EXOSC6: variants seen among roughly 807,000 people sequenced by gnomAD.
EXOSC6 encodes exosome component 6.
In EXOSC6, 21 loss-of-function variants were observed where a neutral mutation model predicts 16.7. That is an observed-to-expected ratio of 1.26 (90% CI 0.89 to 1.82). EXOSC6 has a LOEUF of 1.82. Among genes scored for constraint, EXOSC6 ranks in the 40% most tolerant of loss-of-function variants. EXOSC6 has a pLI of 0.00. For missense variants in EXOSC6, 538 were observed against 415.7 expected (o/e 1.29, Z -2.56); for synonymous variants, 297 against 217.1 (o/e 1.37, Z -3.24).
At position 70,251,203 on chromosome 16, in the gene EXOSC6, AG is replaced by A. The variant is rs1428030192; in HGVS notation, c.697del (p.Leu233Ter). On this transcript the variant is annotated frameshift_variant, in exon 1 of 1. Transcript: ENST00000435634. LOFTEE classifies it high-confidence loss of function. The stretch of plus-strand genomic sequence containing the variant: ...TACGGCCTCCGCCCAGCTCTCTGTC[AG>A]GCCGCCCTCGCCGCTGCCCAGCAGC... ...AGLLGSGEGG[L>X]TESWAEAVRL... 1 of 1,512,256 alleles carries A rather than the reference AG, an allele frequency of 6.6e-7. No individual in the cohort carries two copies. Among genetic ancestry groups the A allele is most frequent in the Admixed American group, 2.0e-5 (1 of 48,906 alleles). 93.7% of individuals were successfully genotyped at this position (1,512,256 alleles called of 1,614,324 possible).
In EXOSC6 at chr16:70,251,914, G is replaced by T. The variant is rs180927891; in HGVS notation, c.-14C>A. The T allele has an allele frequency of 1.3e-6, 2 of 1,500,092 alleles. No homozygotes were observed. The highest frequency in any genetic ancestry group is 1.8e-6 in the Non-Finnish European group (2 of 1,135,752). The allele number at this position is 1,500,092 out of a possible 1,614,324, so 92.9% of individuals were successfully genotyped here. On this transcript the variant is annotated 5_prime_UTR_variant, in exon 1 of 1. Transcript: ENST00000435634. The stretch of plus-strand genomic sequence containing the variant: ...ATCCCCAGGCATGGCGGTTCTTGGC[G>T]TGCGAACCCCTTCCGCCCAACGCCC...
Position 70,251,795 on chromosome 16 carries a change from G to A in EXOSC6, c.106C>T (p.Leu36=). ...EAPGTRDPTR[L]RPVYARAGLL... ...CCGGCGCGCGCGTACACGGGCCGTA[G>A]CCGCGTTGGGTCGCGGGTGCCGGGC... is the stretch of plus-strand genomic sequence containing the variant. Residue 36 remains leucine, a synonymous_variant, in exon 1 of 1, where the codon CTA becomes TTA. Coordinates refer to ENST00000435634, the MANE Select transcript of EXOSC6 (RefSeq NM_058219.3). The A allele has an allele frequency of 1.3e-6, 2 of 1,501,512 alleles. No homozygotes were observed. Among genetic ancestry groups the A allele is most frequent in the Non-Finnish European group, 1.8e-6 (2 of 1,135,248 alleles). The allele number at this position is 1,501,512 out of a possible 1,614,324, so 93.0% of individuals were successfully genotyped here. A position where few individuals can be genotyped will look rare whatever the true frequency, so the allele number is the denominator to read the frequency against.
rs896209226 is a variant in EXOSC6 at position 70,247,233 on chromosome 16, CA to C, written c.*3848del. ...TGGACAATACAGCCAGACTCCATCT[CA>C]AAAAAAAAAATAATTAATAAATAAA... On this transcript the variant is annotated 3_prime_UTR_variant, in exon 1 of 1. Transcript: ENST00000435634. 6.7e-3 allele frequency: 941 copies of C among 141,336 alleles called. 16 individuals carry two copies. Among genetic ancestry groups the C allele is most frequent in the African/African-American group, 0.02 (761 of 38,960 alleles). 8.8% of individuals were successfully genotyped at this position (141,336 alleles called of 1,614,324 possible).
rs1959753875 is a variant in EXOSC6, at chr16:70,249,199, G to C, written c.*1883C>G. The stretch of plus-strand genomic sequence containing the variant: ...GGATCACTTGAGGTCAGGAGTTCAA[G>C]ACCAGCATGGCCAACACAATGAAAA... On this transcript the variant is annotated 3_prime_UTR_variant, in exon 1 of 1. Transcript: ENST00000435634. The C allele has an allele frequency of 6.6e-6, 1 of 151,902 alleles. No homozygotes were observed. Among genetic ancestry groups the C allele is most frequent in the East Asian group, 1.9e-4 (1 of 5,180 alleles). The allele number at this position is 151,902 out of a possible 1,614,324, so 9.4% of individuals were successfully genotyped here. A position where few individuals can be genotyped will look rare whatever the true frequency, so the allele number is the denominator to read the frequency against.
chr16:70,251,219 TGCCCAGCA>T lies in EXOSC6; in HGVS notation c.674_681del (p.Leu225GlnfsTer86). ...CTCTCTGTCAGGCCGCCCTCGCCGC[TGCCCAGCA>T]GCCCGGCCACCTGATTCAGCACAGG... On this transcript the variant is annotated frameshift_variant, in exon 1 of 1. Coordinates refer to ENST00000435634, the MANE Select transcript of EXOSC6 (RefSeq NM_058219.3). LOFTEE classifies it high-confidence loss of function. 6.6e-7 allele frequency: 1 copy of T among 1,508,054 alleles called. No individual in the cohort carries two copies. Among genetic ancestry groups the T allele is most frequent in the South Asian group, 1.2e-5 (1 of 81,190 alleles). The allele number at this position is 1,508,054 out of a possible 1,614,324, so 93.4% of individuals were successfully genotyped here. A position where few individuals can be genotyped will look rare whatever the true frequency, so the allele number is the denominator to read the frequency against.
In EXOSC6 at chr16:70,250,105, C is replaced by A. The variant is rs140076026; in HGVS notation, c.*977G>T. The A allele has an allele frequency of 3.3e-5, 5 of 150,402 alleles. No individual in the cohort carries two copies. Among genetic ancestry groups the A allele is most frequent in the Non-Finnish European group, 7.4e-5 (5 of 67,462 alleles). 9.3% of individuals were successfully genotyped at this position (150,402 alleles called of 1,614,324 possible). On this transcript the variant is annotated 3_prime_UTR_variant, in exon 1 of 1. Coordinates refer to ENST00000435634, the MANE Select transcript of EXOSC6 (RefSeq NM_058219.3). ...GACTATTCACAGAACCAAATAAAAG[C>A]CTTCCACTAGAAACTAAAAATAATA...
rs1169834001 is a variant in EXOSC6 at position 70,248,224 on chromosome 16, C to T, written c.*2858G>A. ...AAATTCATTTTCTTAGGTATGATTA[C>T]AATATTCTTGTTATACAGAAGAAAA... On this transcript the variant is annotated 3_prime_UTR_variant, in exon 1 of 1. Coordinates refer to ENST00000435634, the MANE Select transcript of EXOSC6 (RefSeq NM_058219.3). 6.6e-6 allele frequency: 1 copy of T among 152,006 alleles called. No individual in the cohort carries two copies. Among genetic ancestry groups the T allele is most frequent in the Admixed American group, 6.6e-5 (1 of 15,262 alleles). 9.4% of individuals were successfully genotyped at this position (152,006 alleles called of 1,614,324 possible).
chr16:70,251,940 T>C lies in EXOSC6; in HGVS notation c.-40A>G. On this transcript the variant is annotated 5_prime_UTR_variant, in exon 1 of 1. Coordinates refer to ENST00000435634, the MANE Select transcript of EXOSC6 (RefSeq NM_058219.3). The stretch of plus-strand genomic sequence containing the variant: ...TGCGAACCCCTTCCGCCCAACGCCC[T>C]GCCGCATCCACTGGTTCTTCCGTTG... 2.1e-6 allele frequency: 3 copies of C among 1,443,480 alleles called. No homozygotes were observed. The highest frequency in any genetic ancestry group is 2.7e-6 in the Non-Finnish European group (3 of 1,108,506). 89.4% of individuals were successfully genotyped at this position (1,443,480 alleles called of 1,614,324 possible).
In EXOSC6 at chr16:70,250,939, GCAGTCAGGTCAGTCCAACCA is replaced by G. The variant is rs1372852862; in HGVS notation, c.*123_*142del. 1.2e-5 allele frequency: 13 copies of G among 1,058,332 alleles called. No individual in the cohort carries two copies. In the African/African-American group the frequency reaches 2.2e-4, roughly 18 times the overall value. The allele number at this position is 1,058,332 out of a possible 1,614,324, so 65.6% of individuals were successfully genotyped here. ...GCTCCAGACCAAGTCCCACCATCTGGCAGTCAGGTCAGTCCAACCACAGTCATATCAGGGCCCTTCCAGGA... is the reference window on the plus strand; with the variant it reads ...GCTCCAGACCAAGTCCCACCATCTGGCAGTCATATCAGGGCCCTTCCAGGA... On this transcript the variant is annotated 3_prime_UTR_variant, in exon 1 of 1. Coordinates refer to ENST00000435634, the MANE Select transcript of EXOSC6 (RefSeq NM_058219.3).
rs1959826164 is a variant in EXOSC6, at chr16:70,251,659, G to GGGC, written c.239_241dup (p.Gly80_Pro81insArg). The GGGC allele has an allele frequency of 2.5e-6, 3 of 1,207,194 alleles. No individual in the cohort carries two copies. Among genetic ancestry groups the GGGC allele is most frequent in the African/African-American group, 1.6e-5 (1 of 62,636 alleles). 74.8% of individuals were successfully genotyped at this position (1,207,194 alleles called of 1,614,324 possible). Reference sequence around the variant, plus strand: ...CGGGGCCTCGCCGCCTGCTCCGGCCGGGCCGCCGCCGCGCTCGCCGCCCTC... The same window carrying GGGC: ...CGGGGCCTCGCCGCCTGCTCCGGCCGGGCGGCCGCCGCCGCGCTCGCCGCCCTC... On this transcript the variant is annotated inframe_insertion, in exon 1 of 1. Transcript: ENST00000435634.
chr16:70,251,247 C>A lies in EXOSC6; in HGVS notation c.654G>T (p.Val218=), dbSNP rs923921443. The change falls in exon 1 of 1, where the codon GTG becomes GTT. Residue 218 remains valine, a synonymous_variant. Coordinates refer to ENST00000435634, the MANE Select transcript of EXOSC6 (RefSeq NM_058219.3). The part of the protein sequence containing the change: ...AAGLTVALMP[V]LNQVAGLLGS... The stretch of plus-strand genomic sequence containing the variant: ...CCAGCAGCCCGGCCACCTGATTCAG[C>A]ACAGGCATGAGCGCCACGGTGAGGC... 2.0e-6 allele frequency: 3 copies of A among 1,497,834 alleles called. No homozygotes were observed. In the South Asian group the frequency reaches 3.7e-5, roughly 19 times the overall value. The allele number at this position is 1,497,834 out of a possible 1,614,324, so 92.8% of individuals were successfully genotyped here. A position where few individuals can be genotyped will look rare whatever the true frequency, so the allele number is the denominator to read the frequency against.
In EXOSC6 at chr16:70,250,954, C is replaced by G. The variant is rs1019731071; in HGVS notation, c.*128G>C. ...CCACCATCTGGCAGTCAGGTCAGTC[C>G]AACCACAGTCATATCAGGGCCCTTC... is the stretch of plus-strand genomic sequence containing the variant. On this transcript the variant is annotated 3_prime_UTR_variant, in exon 1 of 1. Transcript: ENST00000435634. 5.6e-6 allele frequency: 7 copies of G among 1,253,008 alleles called. No homozygotes were observed. The highest frequency in any genetic ancestry group is 7.3e-6 in the Non-Finnish European group (7 of 954,642). 77.6% of individuals were successfully genotyped at this position (1,253,008 alleles called of 1,614,324 possible).
In EXOSC6 at chr16:70,248,801, A is replaced by C. The variant is rs1470603007; in HGVS notation, c.*2281T>G. On this transcript the variant is annotated 3_prime_UTR_variant, in exon 1 of 1. Transcript: ENST00000435634. Reference sequence around the variant, plus strand: ...TTTTTTTTTTTTTTTTTTTTGATAGAAACAGGGTTTCACCTTGTTGCCCAG... The same window carrying C: ...TTTTTTTTTTTTTTTTTTTTGATAGCAACAGGGTTTCACCTTGTTGCCCAG... 2 of 137,912 alleles carry C rather than the reference A, an allele frequency of 1.5e-5. No individual in the cohort carries two copies. Among genetic ancestry groups the C allele is most frequent in the Non-Finnish European group, 1.5e-5 (1 of 65,056 alleles). 8.5% of individuals were successfully genotyped at this position (137,912 alleles called of 1,614,324 possible). A position where few individuals can be genotyped will look rare whatever the true frequency, so the allele number is the denominator to read the frequency against.
rs928327080 is a variant in EXOSC6 at position 70,250,226 on chromosome 16, G to A, written c.*856C>T. 2.0e-5 allele frequency: 3 copies of A among 150,164 alleles called. No homozygotes were observed. The highest frequency in any genetic ancestry group is 7.6e-5 in the African/African-American group (3 of 39,534). 9.3% of individuals were successfully genotyped at this position (150,164 alleles called of 1,614,324 possible). Reference sequence around the variant, plus strand: ...TGAAAACTAGAAGCAAAAACAAACAGGAAACCATCTCTACATTTTTTTTAC... The same window carrying A: ...TGAAAACTAGAAGCAAAAACAAACAAGAAACCATCTCTACATTTTTTTTAC... On this transcript the variant is annotated 3_prime_UTR_variant, in exon 1 of 1. Coordinates refer to ENST00000435634, the MANE Select transcript of EXOSC6 (RefSeq NM_058219.3).
At position 70,249,442 on chromosome 16, in the gene EXOSC6, T is replaced by C. The variant is rs1322246651; in HGVS notation, c.*1640A>G. 1 of 151,604 alleles carries C rather than the reference T, an allele frequency of 6.6e-6. No individual in the cohort carries two copies. The highest frequency in any genetic ancestry group is 1.5e-5 in the Non-Finnish European group (1 of 67,912). The allele number at this position is 151,604 out of a possible 1,614,324, so 9.4% of individuals were successfully genotyped here. A position where few individuals can be genotyped will look rare whatever the true frequency, so the allele number is the denominator to read the frequency against. On this transcript the variant is annotated 3_prime_UTR_variant, in exon 1 of 1. Transcript: ENST00000435634. ...TTTAATATATTCAGATACACAAATATGAAATAAAACTAAGTAGAGCTGGTA... is the reference window on the plus strand; with the variant it reads ...TTTAATATATTCAGATACACAAATACGAAATAAAACTAAGTAGAGCTGGTA...
Position 70,250,968 on chromosome 16 carries a change from T to TCAG in EXOSC6, c.*111_*113dup. The TCAG allele has an allele frequency of 7.5e-7, 1 of 1,337,470 alleles. No homozygotes were observed. The highest frequency in any genetic ancestry group is 2.8e-5 in the East Asian group (1 of 35,534). The allele number at this position is 1,337,470 out of a possible 1,614,324, so 82.9% of individuals were successfully genotyped here. On this transcript the variant is annotated 3_prime_UTR_variant, in exon 1 of 1. Transcript: ENST00000435634. ...TCAGGTCAGTCCAACCACAGTCATATCAGGGCCCTTCCAGGAATTCTCGAC... is the reference window on the plus strand; with the variant it reads ...TCAGGTCAGTCCAACCACAGTCATATCAGCAGGGCCCTTCCAGGAATTCTCGAC...
Position 70,251,426 on chromosome 16 carries a change from C to T in EXOSC6, c.475G>A (p.Ala159Thr). Residue 159 changes from alanine (A) to threonine (T), a missense_variant, in exon 1 of 1, where the codon GCC (alanine) becomes ACC (threonine). Ala to Thr is a moderately conservative substitution (Grantham distance 58). Coordinates refer to ENST00000435634, the MANE Select transcript of EXOSC6 (RefSeq NM_058219.3). ...LLLEDGGSAL[A>T]AALTAAALAL... ...AGCGCGGCGGCGGTGAGCGCGGCGG[C>T]CAGGGCCGAGCCACCGTCCTCCAGC... 2 of 1,345,082 alleles carry T rather than the reference C, an allele frequency of 1.5e-6. No individual in the cohort carries two copies. Among genetic ancestry groups the T allele is most frequent in the African/African-American group, 1.5e-5 (1 of 65,216 alleles). The allele number at this position is 1,345,082 out of a possible 1,614,324, so 83.3% of individuals were successfully genotyped here. A position where few individuals can be genotyped will look rare whatever the true frequency, so the allele number is the denominator to read the frequency against.
At position 70,251,469 on chromosome 16, in the gene EXOSC6, G is replaced by C; in HGVS notation, c.432C>G (p.Leu144=). The C allele has an allele frequency of 1.1e-5, 15 of 1,328,814 alleles. No homozygotes were observed. Among genetic ancestry groups the C allele is most frequent in the East Asian group, 3.3e-5 (1 of 30,642 alleles). The allele number at this position is 1,328,814 out of a possible 1,614,324, so 82.3% of individuals were successfully genotyped here. ...CCTCCAGCAGCAGCGCCGACACCTCGAGCTGCGCGCGCGGGTAGCGGCCCA... is the reference window on the plus strand; with the variant it reads ...CCTCCAGCAGCAGCGCCGACACCTCCAGCTGCGCGCGCGGGTAGCGGCCCA... ...VRLGRYPRAQ[L]EVSALLLEDG... Residue 144 remains leucine (L), a synonymous_variant, in exon 1 of 1, where the codon CTC becomes CTG. Coordinates refer to ENST00000435634, the MANE Select transcript of EXOSC6 (RefSeq NM_058219.3).
rs756308308 is a variant in EXOSC6, at chr16:70,251,799, C to T, written c.102G>A (p.Thr34=). 8.6e-6 allele frequency: 13 copies of T among 1,509,352 alleles called. No individual in the cohort carries two copies. The highest frequency in any genetic ancestry group is 1.1e-5 in the Non-Finnish European group (13 of 1,138,834). 93.5% of individuals were successfully genotyped at this position (1,509,352 alleles called of 1,614,324 possible). A position where few individuals can be genotyped will look rare whatever the true frequency, so the allele number is the denominator to read the frequency against. Residue 34 remains threonine, a synonymous_variant, in exon 1 of 1, where the codon ACG becomes ACA. Coordinates refer to ENST00000435634, the MANE Select transcript of EXOSC6 (RefSeq NM_058219.3). ...EEEAPGTRDP[T]RLRPVYARAG... is the part of the protein sequence containing the mutation. ...CGCGCGCGTACACGGGCCGTAGCCG[C>T]GTTGGGTCGCGGGTGCCGGGCGCCT... is the stretch of plus-strand genomic sequence containing the variant.
Sources: gnomAD v4.1 joint callset for allele counts on GRCh38, gnomAD v4.1.1 for gene constraint, MANE v1.5 for transcripts, NCBI Gene and HGNC (gene_info 2026-07-23, HGNC 2026-07-21) for gene names.